DNAH7: variants seen among roughly 807,000 people sequenced by gnomAD.
DNAH7 encodes dynein axonemal heavy chain 7.
Under a neutral mutation model 444.6 loss-of-function variants are expected in DNAH7, and 397 were observed. The ratio of observed to expected loss-of-function variants is 0.89; its 90% CI spans 0.82 to 0.97. The LOEUF is 0.97. Among genes scored for constraint, DNAH7 ranks in the 50% least tolerant of loss-of-function variants. DNAH7 has a pLI of 0.00. For missense variants in DNAH7, 4,902 were observed against 4,800.8 expected, an observed-to-expected ratio of 1.02 and a Z score of -0.62; for synonymous variants, 1,636 against 1,624.4, an observed-to-expected ratio of 1.01 and a Z score of -0.17.
At chr2:195,939,296 T>C (rs553963147) in intron 19 of DNAH7, among the ~76,000 whole-genome samples, 1 of 152,254 alleles carries the variant, frequency 6.6e-6, no homozygotes, top group Admixed American at 6.5e-5. Context: ...AAAATGAACA[T>C]TTTATAATCT....
chr2:195,941,855 T>G (rs1689473510), intron 19 of DNAH7, among the ~76,000 whole-genome samples: 1 of 152,194 alleles, frequency 6.6e-6, no homozygotes, highest in Admixed American at 6.6e-5. Context: ...AGGATTAACC[T>G]AAATCTCAGG....
In DNAH7 at chr2:196,024,468, T is replaced by A; in HGVS notation, c.704A>T (p.Asp235Val). 2 of 1,583,552 alleles carry A rather than the reference T, an allele frequency of 1.3e-6. No individual in the cohort carries two copies. Among genetic ancestry groups the A allele is most frequent in the Non-Finnish European group, 8.6e-7 (1 of 1,167,786 alleles). Residue 235 changes from aspartate (D) to valine (V), a missense_variant, in exon 8 of 65, where the codon GAT becomes GTT. Coordinates refer to ENST00000312428, the MANE Select transcript of DNAH7 (RefSeq NM_018897.3). ...FVLKDPREKG[D>V]DKKTDELPAH... ...TGGAAGTTCATCTGTCTTCTTATCA[T>A]CTCCTTTCTCTCGAGGATCTTTTAA...
intron 49 of DNAH7, among the ~76,000 whole-genome samples, chr2:195,820,655 A>G: frequency 6.6e-6 from 1 of 152,202 alleles, no homozygotes; most frequent in East Asian, 1.9e-4. Context: ...TATGTTAGTG[A>G]CAATTTTGTC....
chr2:195,741,137 AGT>A (rs375220368), intron 63 of DNAH7: 65 of 180,894 alleles, frequency 3.6e-4, no homozygotes, highest in East Asian at 8.8e-4. Context: ...GGAAGTTCTC[AGT>A]GTGTGTGTGT....
intron 11 of DNAH7, 23 bp from the exon 12 acceptor site, chr2:196,000,906 C>T (rs762351165): frequency 6.5e-7 from 1 of 1,541,994 alleles, no homozygotes; most frequent in Non-Finnish European, 8.7e-7. Context: ...AAAAAATTTA[C>T]ATACATAAAT....
At position 195,771,350 on chromosome 2, in the gene DNAH7, A is replaced by G. The variant is rs531257255; in HGVS notation, c.11433+310T>C. 2.6e-5 allele frequency among the ~76,000 whole-genome samples: 4 copies of G among 151,974 alleles called. No individual in the cohort carries two copies. The East Asian group carries it at 5.8e-4, about 22-fold the overall frequency. On this transcript the variant is annotated intron_variant, in intron 61 of 64. Transcript: ENST00000312428. ...GTGAGACCCCATCTCTAAAAAAATA[A>G]TAATAATAAATGAAAAAATGTGCTT...
At chr2:195,838,350 CAAAG>C (rs1363831300) in intron 47 of DNAH7, among the ~76,000 whole-genome samples, 1 of 151,310 alleles carries the variant, frequency 6.6e-6, no homozygotes, top group Non-Finnish European at 1.5e-5. Context: ...GATTAATTCT[CAAAG>C]AAATAGACAG....
At chr2:195,926,380 T>G in intron 22 of DNAH7, 46 bp downstream of exon 22, 2 of 1,432,738 alleles carry the variant, frequency 1.4e-6, no homozygotes, top group South Asian at 3.2e-5. Flanking sequence ...GCAATAATAC[T>G]ATTGAAAAAA....
chr2:195,749,764 T>C (rs1341933408), intron 63 of DNAH7, among the ~76,000 whole-genome samples: 1 of 144,474 alleles, frequency 6.9e-6, no homozygotes, highest in Non-Finnish European at 1.5e-5. Context: ...TTCTCACTCA[T>C]AGGTGGGAAT....
intron 12 of DNAH7, chr2:195,999,219 A>G (rs769779419): frequency 2.0e-5 from 14 of 717,394 alleles, no homozygotes; most frequent in East Asian, 1.9e-4. Context: ...AAAAGTAAAA[A>G]TGTCCTGGTT....
intron 51 of DNAH7, among the ~76,000 whole-genome samples, chr2:195,812,917 T>C (rs906872053): frequency 7.9e-5 from 12 of 152,228 alleles, no homozygotes; most frequent in Non-Finnish European, 1.6e-4. Context: ...AGCTAGCTTC[T>C]TAATTGGAAA....
chr2:196,008,319 T>TC (rs1462800238), intron 10 of DNAH7, among the ~76,000 whole-genome samples: 1 of 152,094 alleles, frequency 6.6e-6, no homozygotes, highest in East Asian at 1.9e-4. Context: ...ATTGGAACCC[T>TC]CATAAATTGT....
intron 24 of DNAH7, 57 bp from the exon 25 acceptor site, chr2:195,910,252 C>T (rs1219676584): frequency 2.2e-5 from 31 of 1,381,886 alleles, no homozygotes; most frequent in Non-Finnish European, 2.9e-5. Flanking sequence ...TTTCCATTCA[C>T]ATGCCAAGAA....
At chr2:195,751,067 T>C (rs1048285075) in intron 63 of DNAH7, among the ~76,000 whole-genome samples, 2 of 152,158 alleles carry the variant, frequency 1.3e-5, no homozygotes, top group Admixed American at 6.6e-5. Context: ...CTAAATAACT[T>C]AGCAGAAGGT....
intron 54 of DNAH7, among the ~76,000 whole-genome samples, chr2:195,802,907 C>T (rs562415950): frequency 6.6e-6 from 1 of 152,252 alleles, no homozygotes; most frequent in Admixed American, 6.5e-5. Flanking sequence ...ACTCTATATC[C>T]AGATATACAC....
chr2:195,800,453 T>C (rs1341491364), intron 54 of DNAH7, among the ~76,000 whole-genome samples: 4 of 152,228 alleles, frequency 2.6e-5, no homozygotes, highest in African/African-American at 7.2e-5. Context: ...TAACATGATA[T>C]TGTTAATTCG....
At chr2:195,914,027 T>C (rs936234652) in intron 24 of DNAH7, among the ~76,000 whole-genome samples, 3 of 152,200 alleles carry the variant, frequency 2.0e-5, no homozygotes, top group African/African-American at 7.2e-5. Context: ...GATCTTTTAT[T>C]AACCATTTCC....
chr2:195,851,865 T>C (rs948871004), intron 46 of DNAH7, among the ~76,000 whole-genome samples: 2 of 152,108 alleles, frequency 1.3e-5, no homozygotes, highest in African/African-American at 4.8e-5. Flanking sequence ...AAAATGTCAA[T>C]GTAGGAGAGT....
At chr2:195,809,442 T>C (rs979156431) in intron 52 of DNAH7, among the ~76,000 whole-genome samples, 2 of 152,212 alleles carry the variant, frequency 1.3e-5, no homozygotes, top group Non-Finnish European at 2.9e-5. Context: ...TTTACACTAC[T>C]ACCTGGTGTA....
Sources: gnomAD v4.1 joint callset for allele counts (sites outside exome capture counted in the v4.1 genomes callset) on GRCh38, gnomAD v4.1.1 for gene constraint, MANE v1.5 for transcripts, NCBI Gene and HGNC (gene_info 2026-07-23, HGNC 2026-07-21) for gene names.